Variants in MYO9A observed in about 807,000 individuals in gnomAD.
The protein encoded by MYO9A is unconventional myosin-IXa.
MYO9A carries 103 observed loss-of-function variants against 293.3 expected under a neutral mutation model. That is an observed-to-expected ratio of 0.35 (90% CI 0.30 to 0.41). The LOEUF is 0.41. Ranked by LOEUF, MYO9A falls within the 10% of genes least tolerant of loss-of-function variation. The probability of loss-of-function intolerance (pLI) is 1.00; values close to 1 mark genes in which losing one functional copy is unlikely to be tolerated. For missense variants in MYO9A, 2,685 were observed against 3,033.0 expected (o/e 0.89, Z 2.69); for synonymous variants, 1,001 against 1,035.7 (o/e 0.97, Z 0.64).
At chr15:71,965,732 G>C (rs1234687069) in intron 13 of MYO9A, among the ~76,000 whole-genome samples, 1 of 152,188 alleles carries the variant, frequency 6.6e-6, no homozygotes, top group Non-Finnish European at 1.5e-5. Context: ...AGCGAAGCGA[G>C]ACTCCGTCTC....
At chr15:71,922,102 TGAGTAGTTGA>T (rs2058171338) in intron 18 of MYO9A, among the ~76,000 whole-genome samples, 1 of 152,140 alleles carries the variant, frequency 6.6e-6, no homozygotes, top group East Asian at 1.9e-4. Flanking sequence ...CTCAGCCTCC[TGAGTAGTTGA>T]GACTACAGGC....
At chr15:71,864,761 T>C (rs1438240017) in intron 32 of MYO9A, among the ~76,000 whole-genome samples, 1 of 152,142 alleles carries the variant, frequency 6.6e-6, no homozygotes. Context: ...ACATGAAATA[T>C]CCAGAAAAGG....
At chr15:72,048,850 C>T (rs759692969) in intron 1 of MYO9A, among the ~76,000 whole-genome samples, 20 of 152,342 alleles carry the variant, frequency 1.3e-4, no homozygotes, top group Non-Finnish European at 2.6e-4. Flanking sequence ...GAACACCATG[C>T]TGTTGGCTTT....
intron 1 of MYO9A, among the ~76,000 whole-genome samples, chr15:72,105,300 T>G (rs964567271): frequency 6.6e-6 from 1 of 151,996 alleles, no homozygotes; most frequent in South Asian, 2.1e-4. Flanking sequence ...TATGGCTCAG[T>G]GTAACCTCGA....
At chr15:72,104,815 C>T (rs759732861) in intron 1 of MYO9A, among the ~76,000 whole-genome samples, 1 of 152,108 alleles carries the variant, frequency 6.6e-6, no homozygotes, top group Non-Finnish European at 1.5e-5. Context: ...GAATCCTATA[C>T]ATAATCTGAG....
At chr15:72,016,487 C>G (rs1021424381) in intron 6 of MYO9A, among the ~76,000 whole-genome samples, 11 of 152,188 alleles carry the variant, frequency 7.2e-5, no homozygotes, top group African/African-American at 2.2e-4. Flanking sequence ...ACCATTTATA[C>G]AATTCCACGA....
At chr15:71,849,694 AAGACCAAAGG>A (rs2141268954) in intron 38 of MYO9A, among the ~76,000 whole-genome samples, 1 of 42,102 alleles carries the variant, frequency 2.4e-5, no homozygotes, top group South Asian at 1.6e-3. Flanking sequence ...CTGAAGTATT[AAGACCAAAGG>A]ATTCAGAGCC....
intron 12 of MYO9A, among the ~76,000 whole-genome samples, chr15:71,975,885 C>T (rs1244371641): frequency 6.6e-6 from 1 of 152,290 alleles, no homozygotes; most frequent in South Asian, 2.1e-4. Flanking sequence ...TTCTGAATAG[C>T]TGAACATGTG....
At chr15:71,949,197 T>C (rs2058995089) in intron 15 of MYO9A, among the ~76,000 whole-genome samples, 1 of 152,130 alleles carries the variant, frequency 6.6e-6, no homozygotes, top group South Asian at 2.1e-4. Context: ...CCTGGATCTG[T>C]AAGCTAGTGT....
intron 2 of MYO9A, among the ~76,000 whole-genome samples, chr15:72,044,224 T>G (rs994943673): frequency 1.2e-4 from 19 of 152,078 alleles, no homozygotes; most frequent in African/African-American, 4.6e-4. Context: ...CTGACCAACA[T>G]GGAGAAACCC....
intron 14 of MYO9A, among the ~76,000 whole-genome samples, chr15:71,958,041 T>C (rs532976365): frequency 3.3e-5 from 5 of 152,308 alleles, no homozygotes; most frequent in Admixed American, 1.3e-4. Context: ...CACTGAAGTT[T>C]TTAATTAAGA....
chr15:71,966,520 A>C (rs1489006997), intron 13 of MYO9A, among the ~76,000 whole-genome samples: 2 of 152,006 alleles, frequency 1.3e-5, no homozygotes, highest in Non-Finnish European at 2.9e-5. Flanking sequence ...CTATTCTAAA[A>C]TCCATTCCTT....
chr15:72,101,620 C>A (rs1210838462), intron 1 of MYO9A, among the ~76,000 whole-genome samples: 1 of 133,922 alleles, frequency 7.5e-6, no homozygotes, highest in Admixed American at 7.3e-5. Context: ...CCCGGCCAGC[C>A]GCCCCATCCA....
chr15:71,982,954 T>G (rs560024064), intron 11 of MYO9A, among the ~76,000 whole-genome samples: 1 of 152,310 alleles, frequency 6.6e-6, no homozygotes, highest in African/African-American at 2.4e-5. Context: ...GATATTAATA[T>G]AGCTACAACT....
intron 1 of MYO9A, among the ~76,000 whole-genome samples, chr15:72,079,482 G>A (rs774603228): frequency 1.1e-4 from 17 of 151,690 alleles, no homozygotes; most frequent in Non-Finnish European, 8.8e-5. Context: ...GATGAATATC[G>A]AAAAAAGGAT....
At chr15:72,073,678 T>A (rs1394875387) in intron 1 of MYO9A, among the ~76,000 whole-genome samples, 1 of 152,206 alleles carries the variant, frequency 6.6e-6, no homozygotes, top group Non-Finnish European at 1.5e-5. Context: ...TATACAGTAA[T>A]CTTCTGATAT....
intron 2 of MYO9A, among the ~76,000 whole-genome samples, chr15:72,037,642 T>C (rs1185601822): frequency 6.6e-6 from 1 of 152,066 alleles, no homozygotes; most frequent in African/African-American, 2.4e-5. Flanking sequence ...GATGATCTCA[T>C]GCACAAAAAT....
chr15:72,016,715 T>C (rs890926880), intron 6 of MYO9A, among the ~76,000 whole-genome samples: 1 of 152,138 alleles, frequency 6.6e-6, no homozygotes, highest in African/African-American at 2.4e-5. Context: ...AATTTCAAAC[T>C]ATAATAGATT....
chr15:72,003,027 T>C (rs990915127), intron 8 of MYO9A, among the ~76,000 whole-genome samples: 8 of 152,144 alleles, frequency 5.3e-5, no homozygotes, highest in Non-Finnish European at 8.8e-5. Flanking sequence ...CCCAGCACTT[T>C]GGGAGACCGA....
Sources: allele counts gnomAD v4.1 joint callset (sites outside exome capture counted in the v4.1 genomes callset), GRCh38; gene constraint gnomAD v4.1.1; transcripts MANE v1.5; gene names NCBI Gene and HGNC (gene_info 2026-07-23, HGNC 2026-07-21).